Variants in ZNF605 observed in about 807,000 individuals in gnomAD.
The protein encoded by ZNF605 is zinc finger protein 605.
A neutral mutation model predicts 7.9 loss-of-function variants in ZNF605; 9 were observed. The observed-to-expected ratio is 1.14, with a 90% CI of 0.68 to 1.98. The LOEUF is 1.98. Ranked by LOEUF, ZNF605 falls within the 30% of genes most tolerant of loss-of-function variation. The probability of loss-of-function intolerance (pLI) is 0.00; values close to 1 mark genes in which losing one functional copy is unlikely to be tolerated. For synonymous variants in ZNF605, 255 were observed against 260.1 expected (o/e 0.98, Z 0.19); for missense variants, 673 against 762.4 (o/e 0.88, Z 1.38).
chr12:132,947,312 G>A (rs1448951867), intron 2 of ZNF605, among the ~76,000 whole-genome samples: 3 of 146,398 alleles, frequency 2.0e-5, no homozygotes, highest in Non-Finnish European at 4.6e-5. Context: ...ACCACGCCCG[G>A]CCACATTTTT....
Position 132,923,673 on chromosome 12 carries a change from T to A in ZNF605, c.*1700A>T, listed in dbSNP as rs1379492619. ...CTGAGGTGCACTGCTGTGATGTAAA[T>A]TATGTTTATTCTACTTCAGGTCATT... On this transcript the variant is annotated 3_prime_UTR_variant, in exon 5 of 5. Coordinates refer to ENST00000360187, the MANE Select transcript of ZNF605 (RefSeq NM_183238.4). 3 of 152,216 alleles carry A rather than the reference T, an allele frequency of 2.0e-5. No individual in the cohort carries two copies. The highest frequency in any genetic ancestry group is 4.4e-5 in the Non-Finnish European group (3 of 68,028). The allele number at this position is 152,216 out of a possible 1,614,324, so 9.4% of individuals were successfully genotyped here.
At chr12:132,936,211 T>G (rs965720381) in intron 3 of ZNF605, among the ~76,000 whole-genome samples, 18 of 151,456 alleles carry the variant, frequency 1.2e-4, no homozygotes, top group African/African-American at 3.9e-4. Flanking sequence ...ACTATAAAAA[T>G]GAATAAGCAG....
intron 3 of ZNF605, among the ~76,000 whole-genome samples, chr12:132,942,274 C>A (rs1447050075): frequency 1.3e-5 from 2 of 152,162 alleles, no homozygotes; most frequent in African/African-American, 4.8e-5. Flanking sequence ...TCCTAAAAAA[C>A]CAAACACAAG....
Position 132,925,426 on chromosome 12 carries a change from T to C in ZNF605, c.1873A>G (p.Thr625Ala). 1.2e-6 allele frequency: 2 copies of C among 1,609,284 alleles called. No homozygotes were observed. The highest frequency in any genetic ancestry group is 1.3e-5 in the African/African-American group (1 of 74,900). ...ATAAGCTGCGACTTCCTGTTGAAGG[T>C]GGTCCCACACTCATTGCATCCATAG... ...KYYGCNECGTTFNRKSQLMIH... is the reference protein window; with the variant it reads ...KYYGCNECGTAFNRKSQLMIH... The change falls in exon 5 of 5, where the codon ACC becomes GCC. Residue 625 changes from threonine (T) to alanine (A), a missense_variant. Transcript: ENST00000360187.
chr12:132,955,720 G>A (rs80249306), intron 1 of ZNF605, among the ~76,000 whole-genome samples: 2 of 151,786 alleles, frequency 1.3e-5, no homozygotes, highest in Non-Finnish European at 2.9e-5. Flanking sequence ...GCAGGCCCCC[G>A]CAGAAGCCTC....
intron 4 of ZNF605, among the ~76,000 whole-genome samples, chr12:132,932,035 C>A (rs1315532224): frequency 2.0e-5 from 3 of 152,196 alleles, no homozygotes; most frequent in Non-Finnish European, 4.4e-5. Context: ...GCAATCCTCC[C>A]ACCTCAGCCT....
At chr12:132,934,858 C>T (rs1377101332) in intron 3 of ZNF605, among the ~76,000 whole-genome samples, 4 of 151,872 alleles carry the variant, frequency 2.6e-5, no homozygotes, top group Non-Finnish European at 5.9e-5. Flanking sequence ...AGAGACAAAA[C>T]GGGGATAAAA....
In ZNF605 at chr12:132,925,511, T is replaced by C. The variant is rs1376610139; in HGVS notation, c.1788A>G (p.Lys596=). The C allele has an allele frequency of 6.8e-6, 11 of 1,614,124 alleles. No individual in the cohort carries two copies. The highest frequency in any genetic ancestry group is 1.3e-5 in the African/African-American group (1 of 74,948). ...TAAGGTGTGACTTTCTTGTGAAAGATTTCCCACATTCACCACATTTATATG... is the reference window on the plus strand; with the variant it reads ...TAAGGTGTGACTTTCTTGTGAAAGACTTCCCACATTCACCACATTTATATG... ...ERPYKCGECG[K]SFTRKSHLMR... is the part of the protein sequence containing the mutation. The change falls in exon 5 of 5, where the codon AAA becomes AAG. Residue 596 remains lysine (K), a synonymous_variant. Coordinates refer to ENST00000360187, the MANE Select transcript of ZNF605 (RefSeq NM_183238.4).
chr12:132,932,976 A>G (rs1298431), intron 4 of ZNF605, 59 bp downstream of exon 4: 805,647 of 1,511,828 alleles, frequency 0.53, 220,107 homozygotes, highest in Middle Eastern at 0.57. Flanking sequence ...TCCAAAATAA[A>G]CAAACACCTC....
chr12:132,946,452 A>T (rs1360636644), intron 2 of ZNF605, among the ~76,000 whole-genome samples: 1 of 152,346 alleles, frequency 6.6e-6, no homozygotes, highest in East Asian at 1.9e-4. Flanking sequence ...TGGGAGCCAG[A>T]GGGCGCAGCA....
In ZNF605 at chr12:132,919,408, T is replaced by C. The variant is rs1411858450; in HGVS notation, c.*5965A>G. 1.5e-5 allele frequency: 2 copies of C among 131,960 alleles called. No homozygotes were observed. The highest frequency in any genetic ancestry group is 3.2e-5 in the Non-Finnish European group (2 of 63,202). 8.2% of individuals were successfully genotyped at this position (131,960 alleles called of 1,614,324 possible). ...TTTTTTTTTTTTTTTTTTTTTGAGA[T>C]GGAGTCTCGCTTTGTCGCTCAGGCC... On this transcript the variant is annotated 3_prime_UTR_variant, in exon 5 of 5. Transcript: ENST00000360187.
chr12:132,937,220 A>G (rs1354507936), intron 3 of ZNF605, among the ~76,000 whole-genome samples: 2 of 151,998 alleles, frequency 1.3e-5, no homozygotes, highest in Middle Eastern at 3.2e-3. Flanking sequence ...TTAGCCAGGC[A>G]TGGTGACACG....
intron 3 of ZNF605, among the ~76,000 whole-genome samples, chr12:132,938,672 T>TC (rs2085424629): frequency 6.6e-6 from 1 of 152,106 alleles, no homozygotes; most frequent in South Asian, 2.1e-4. Context: ...AGCCCTTCAG[T>TC]CCCCCACTGC....
rs1368028103 is a variant in ZNF605 at position 132,925,572 on chromosome 12, A to G, written c.1727T>C (p.Leu576Pro). The G allele has an allele frequency of 6.2e-7, 1 of 1,614,204 alleles. No individual in the cohort carries two copies. Among genetic ancestry groups the G allele is most frequent in the Middle Eastern group, 1.6e-4 (1 of 6,062 alleles). ...TGTATGAATTCTCTGATGTATAATC[A>G]GCTGTGCCTTCTCAAAGAAAGCTTT... Reference protein sequence around the residue: ...CAKAFFEKAQLIIHQRIHTGE... With the variant: ...CAKAFFEKAQPIIHQRIHTGE... The change falls in exon 5 of 5, where the codon CTG becomes CCG. Residue 576 changes from leucine to proline, a missense_variant. Coordinates refer to ENST00000360187, the MANE Select transcript of ZNF605 (RefSeq NM_183238.4).
At chr12:132,955,189 C>T (rs1952623680) in intron 1 of ZNF605, among the ~76,000 whole-genome samples, 2 of 152,124 alleles carry the variant, frequency 1.3e-5, no homozygotes, top group African/African-American at 2.4e-5. Context: ...TCACGTGCAT[C>T]TCTGCAAGGC....
intron 4 of ZNF605, among the ~76,000 whole-genome samples, chr12:132,929,289 C>T (rs1226427664): frequency 6.6e-6 from 1 of 151,894 alleles, no homozygotes; most frequent in African/African-American, 2.4e-5. Flanking sequence ...CACCTGTAGT[C>T]CCAGCTACTT....
At chr12:132,937,094 C>A (rs1952374317) in intron 3 of ZNF605, among the ~76,000 whole-genome samples, 1 of 152,262 alleles carries the variant, frequency 6.6e-6, no homozygotes, top group East Asian at 1.9e-4. Context: ...CGCGGTGGCT[C>A]ACGCCTGTAA....
chr12:132,928,964 C>A (rs1348655843), intron 4 of ZNF605, among the ~76,000 whole-genome samples: 1 of 150,940 alleles, frequency 6.6e-6, no homozygotes, highest in African/African-American at 2.4e-5. Context: ...TGCAGTGACC[C>A]ATAACTATCA....
rs1383996761 is a variant in ZNF605 at position 132,918,487 on chromosome 12, G to A, written c.*6886C>T. The A allele has an allele frequency of 6.6e-6, 1 of 152,260 alleles. No homozygotes were observed. Among genetic ancestry groups the A allele is most frequent in the Non-Finnish European group, 1.5e-5 (1 of 68,054 alleles). 9.4% of individuals were successfully genotyped at this position (152,260 alleles called of 1,614,324 possible). A position where few individuals can be genotyped will look rare whatever the true frequency, so the allele number is the denominator to read the frequency against. ...CACAGCTGCCCATGCAATGATGAGT[G>A]GATCAAACACTACGGCTTATACAAG... On this transcript the variant is annotated 3_prime_UTR_variant, in exon 5 of 5. Transcript: ENST00000360187.
Sources: gnomAD v4.1 joint callset for allele counts (sites outside exome capture counted in the v4.1 genomes callset) on GRCh38, gnomAD v4.1.1 for gene constraint, MANE v1.5 for transcripts, NCBI Gene and HGNC (gene_info 2026-07-23, HGNC 2026-07-21) for gene names.